Variants in VPS54 observed in about 807,000 individuals in gnomAD.
VPS54 encodes the protein vacuolar protein sorting-associated protein 54.
Under a neutral mutation model 121.5 loss-of-function variants are expected in VPS54, and 45 were observed. The ratio of observed to expected loss-of-function variants is 0.37; its 90% CI spans 0.29 to 0.47. The LOEUF (loss-of-function observed/expected upper bound fraction) is 0.47. Among genes scored for constraint, VPS54 ranks in the 20% least tolerant of loss-of-function variants. VPS54 has a pLI of 0.99. For synonymous variants in VPS54, 371 were observed against 385.8 expected, an observed-to-expected ratio of 0.96 and a Z score of 0.45; for missense variants, 1,090 against 1,131.4, an observed-to-expected ratio of 0.96 and a Z score of 0.52.
chr2:63,951,447 TACTC>T lies in VPS54; in HGVS notation c.1011-2288_1011-2285del, dbSNP rs797014790. ...TATAAGAGATCACCTTTTACTGTGA[TACTC>T]AATTTACTGGAGAGAGGAACTGCTC... On this transcript the variant is annotated intron_variant, in intron 7 of 22. Coordinates refer to ENST00000272322, the MANE Select transcript of VPS54 (RefSeq NM_016516.3). Among the ~76,000 whole-genome samples, 19 of 152,242 alleles carry T rather than the reference TACTC, an allele frequency of 1.2e-4. 1 individual carries two copies. Among genetic ancestry groups the T allele is most frequent in the Non-Finnish European group, 1.9e-4 (13 of 67,996 alleles).
At chr2:63,940,286 G>C (rs1487984286) in intron 11 of VPS54, among the ~76,000 whole-genome samples, 1 of 152,172 alleles carries the variant, frequency 6.6e-6, no homozygotes, top group Middle Eastern at 3.4e-3. Flanking sequence ...AGTAATACTT[G>C]ACAGAATCAC....
intron 1 of VPS54, among the ~76,000 whole-genome samples, chr2:64,005,492 T>C (rs1447095983): frequency 1.3e-5 from 2 of 152,200 alleles, no homozygotes; most frequent in Non-Finnish European, 2.9e-5. Context: ...AGCAATTGAA[T>C]GTGATATGAG....
chr2:63,965,952 T>C lies in VPS54; in HGVS notation c.507A>G (p.Pro169=), dbSNP rs758310229. 1 of 1,606,392 alleles carries C rather than the reference T, an allele frequency of 6.2e-7. No homozygotes were observed. Among genetic ancestry groups the C allele is most frequent in the Non-Finnish European group, 8.5e-7 (1 of 1,178,048 alleles). The part of the protein sequence containing the change: ...LEQVPKIFMK[P]DFALDDSLTF... The stretch of plus-strand genomic sequence containing the variant: ...TTAAGGAATCATCCAAGGCAAAATC[T>C]GGTTTCATAAAAATCTATTAAAAAA... The change falls in exon 6 of 23, where the codon CCA becomes CCG. Residue 169 remains proline (P), a synonymous_variant. Transcript: ENST00000272322.
chr2:63,963,265 AT>A (rs947910197), intron 6 of VPS54, among the ~76,000 whole-genome samples: 7 of 152,044 alleles, frequency 4.6e-5, no homozygotes, highest in South Asian at 2.1e-4. Context: ...GCTCATATAT[AT>A]TTTTTTAGTA....
chr2:63,996,256 T>A (rs896879445), intron 1 of VPS54, among the ~76,000 whole-genome samples: 1 of 152,240 alleles, frequency 6.6e-6, no homozygotes, highest in Non-Finnish European at 1.5e-5. Context: ...TAATTTCTTA[T>A]GCCTGTCTTT....
At chr2:63,942,791 C>G (rs558123217) in intron 10 of VPS54, among the ~76,000 whole-genome samples, 1 of 152,150 alleles carries the variant, frequency 6.6e-6, no homozygotes, top group East Asian at 1.9e-4. Flanking sequence ...TATGAACAAG[C>G]TTTATGATCA....
In VPS54 at chr2:64,019,345, T is replaced by C. The variant is rs1039088014; in HGVS notation, c.-428A>G. On this transcript the variant is annotated 5_prime_UTR_variant, in exon 1 of 23. Transcript: ENST00000272322. ...CTGCTCCCGACTCCACTGCTTTCCC[T>C]CACCCCGCCGGCCCAGCCGGCTCGG... Among the ~76,000 whole-genome samples, 1 of 150,170 alleles carries C rather than the reference T, an allele frequency of 6.7e-6. No homozygotes were observed. The highest frequency in any genetic ancestry group is 2.4e-5 in the African/African-American group (1 of 41,222).
intron 1 of VPS54, among the ~76,000 whole-genome samples, chr2:63,996,583 TTC>T (rs1677604878): frequency 1.3e-5 from 2 of 152,222 alleles, no homozygotes; most frequent in Non-Finnish European, 2.9e-5. Context: ...AGAGCCATAT[TTC>T]TCTTATTGCC....
intron 1 of VPS54, among the ~76,000 whole-genome samples, chr2:64,005,670 T>C (rs1175249036): frequency 2.0e-5 from 3 of 152,232 alleles, no homozygotes; most frequent in Non-Finnish European, 4.4e-5. Flanking sequence ...GGGATAATTC[T>C]GTTATCAGGG....
intron 7 of VPS54, among the ~76,000 whole-genome samples, chr2:63,954,218 A>T (rs922046609): frequency 2.0e-5 from 3 of 152,182 alleles, no homozygotes; most frequent in Admixed American, 1.3e-4. Context: ...ACAAAGTAAG[A>T]AAACTGTCAA....
chr2:64,008,341 G>C (rs1446755354), intron 1 of VPS54, among the ~76,000 whole-genome samples: 1 of 152,012 alleles, frequency 6.6e-6, no homozygotes, highest in Non-Finnish European at 1.5e-5. Flanking sequence ...TTGGACCTGG[G>C]AGGCAGAGGT....
intron 20 of VPS54, among the ~76,000 whole-genome samples, chr2:63,906,534 T>A (rs990402182): frequency 5.3e-5 from 8 of 152,190 alleles, no homozygotes; most frequent in Admixed American, 6.5e-5. Flanking sequence ...AAGAGATAGG[T>A]CCAGTGGTGT....
chr2:63,947,886 G>C (rs1023729701), intron 8 of VPS54, among the ~76,000 whole-genome samples: 1 of 152,166 alleles, frequency 6.6e-6, no homozygotes, highest in East Asian at 1.9e-4. Context: ...GCCAAGGCTG[G>C]AGTGTAGTGA....
intron 11 of VPS54, among the ~76,000 whole-genome samples, chr2:63,940,865 T>C (rs1045483710): frequency 6.6e-6 from 1 of 152,226 alleles, no homozygotes; most frequent in African/African-American, 2.4e-5. Context: ...GGTTTTGTTA[T>C]TGAACACCTA....
chr2:63,976,350 C>CAA (rs371137546), intron 3 of VPS54, among the ~76,000 whole-genome samples: 980 of 93,720 alleles, frequency 0.01, 31 homozygotes, highest in African/African-American at 0.032. Context: ...GACCTTGTCT[C>CAA]AAAAAAAAAA....
At chr2:63,996,348 C>G (rs1034827796) in intron 1 of VPS54, among the ~76,000 whole-genome samples, 3 of 152,136 alleles carry the variant, frequency 2.0e-5, no homozygotes, top group African/African-American at 7.2e-5. Context: ...ATTTCCTATG[C>G]CTGTCTTTAC....
intron 16 of VPS54, among the ~76,000 whole-genome samples, chr2:63,915,570 C>G (rs1275381367): frequency 6.6e-6 from 1 of 152,170 alleles, no homozygotes; most frequent in Non-Finnish European, 1.5e-5. Context: ...GCAACAGACT[C>G]TCTGCCTAAA....
chr2:64,006,131 T>G (rs1678143198), intron 1 of VPS54, among the ~76,000 whole-genome samples: 1 of 152,236 alleles, frequency 6.6e-6, no homozygotes. Context: ...TATATTTGTT[T>G]CATTCACTTT....
intron 11 of VPS54, among the ~76,000 whole-genome samples, chr2:63,939,487 A>T (rs1279488450): frequency 1.3e-5 from 2 of 152,238 alleles, no homozygotes; most frequent in African/African-American, 4.8e-5. Flanking sequence ...TAACCCTGGT[A>T]AATCAAACAA....
Sources: allele counts gnomAD v4.1 joint callset (sites outside exome capture counted in the v4.1 genomes callset), GRCh38; gene constraint gnomAD v4.1.1; transcripts MANE v1.5; gene names NCBI Gene and HGNC (gene_info 2026-07-23, HGNC 2026-07-21).